Variants in CFAP92 observed in about 807,000 individuals in gnomAD.
CFAP92 encodes cilia and flagella associated protein 92 (putative).
In CFAP92, 86 loss-of-function variants were observed where a neutral mutation model predicts 106.3. The observed-to-expected ratio is 0.81, with a 90% CI of 0.68 to 0.97. CFAP92 has a LOEUF of 0.97. Ranked by LOEUF, CFAP92 falls within the 50% of genes least tolerant of loss-of-function variation. CFAP92 has a pLI of 0.00. For synonymous variants in CFAP92, 477 were observed against 506.4 expected, an observed-to-expected ratio of 0.94 and a Z score of 0.78; for missense variants, 1,204 against 1,283.8, an observed-to-expected ratio of 0.94 and a Z score of 0.95.
chr3:129,002,877 G>A (rs1944862536), upstream of CFAP92, among the ~76,000 whole-genome samples: 2 of 152,210 alleles, frequency 1.3e-5, 1 homozygote, highest in South Asian at 4.1e-4. Flanking sequence ...CTGTGGATCA[G>A]GCACTCACGG....
intron 4 of CFAP92, among the ~76,000 whole-genome samples, chr3:128,978,620 G>C (rs1435494014): frequency 6.6e-6 from 1 of 152,072 alleles, no homozygotes; most frequent in Non-Finnish European, 1.5e-5. Flanking sequence ...TAGACCAATG[G>C]AACAGAACAG....
chr3:128,978,428 T>TA (rs1463094652), intron 4 of CFAP92: 3 of 333,480 alleles, frequency 9.0e-6, no homozygotes, highest in Non-Finnish European at 1.6e-5. Context: ...TACCTAAGTT[T>TA]AAAAAATACC....
chr3:128,979,968 A>ATATATATG (rs1943421275), intron 4 of CFAP92, among the ~76,000 whole-genome samples: 1 of 146,232 alleles, frequency 6.8e-6, no homozygotes, highest in Non-Finnish European at 1.5e-5. Flanking sequence ...ATATATATAT[A>ATATATATG]TATAAAAGAA....
At chr3:128,916,413 C>A in intron 12 of CFAP92, 142 bp from the exon 13 acceptor site, 1 of 593,194 alleles carries the variant, frequency 1.7e-6, no homozygotes, top group Non-Finnish European at 2.5e-6. Flanking sequence ...GTTATTTCAT[C>A]ATAGAACCAG....
chr3:128,985,009 T>G (rs1005977884), intron 4 of CFAP92, among the ~76,000 whole-genome samples: 4 of 152,228 alleles, frequency 2.6e-5, no homozygotes, highest in Non-Finnish European at 5.9e-5. Flanking sequence ...AGGAATCATG[T>G]GGTTTTAATT....
the CFAP92 span, among the ~76,000 whole-genome samples, chr3:129,024,762 C>T: frequency 1.3e-5 from 2 of 151,602 alleles, no homozygotes; most frequent in African/African-American, 4.9e-5. Flanking sequence ...GCTCTCATGG[C>T]CTGATCACCT....
chr3:128,934,088 C>T (rs966586307), intron 11 of CFAP92, among the ~76,000 whole-genome samples: 27 of 152,152 alleles, frequency 1.8e-4, no homozygotes, highest in African/African-American at 6.5e-4. Flanking sequence ...AGAAGCAGCC[C>T]CCTCCTCCGT....
upstream of CFAP92, among the ~76,000 whole-genome samples, chr3:128,995,149 T>C (rs2107831394): frequency 6.6e-6 from 1 of 152,328 alleles, no homozygotes; most frequent in South Asian, 2.1e-4. Context: ...AAACTTTAGC[T>C]GAGTTGAGCT....
At chr3:128,956,317 G>A (rs1202907422) in intron 9 of CFAP92, among the ~76,000 whole-genome samples, 1 of 151,438 alleles carries the variant, frequency 6.6e-6, no homozygotes, top group Admixed American at 6.6e-5. Flanking sequence ...TCAGGGCCCT[G>A]TGGGACTAAA....
chr3:129,021,842 C>CCTTTT, the CFAP92 span, among the ~76,000 whole-genome samples: 2 of 152,180 alleles, frequency 1.3e-5, no homozygotes, highest in African/African-American at 4.8e-5. Flanking sequence ...AAACTCCTTT[C>CCTTTT]CTTTTCTTTC....
chr3:129,001,376 C>T (rs1029094845), intron 1 of CFAP92, among the ~76,000 whole-genome samples: 6 of 152,216 alleles, frequency 3.9e-5, no homozygotes, highest in Non-Finnish European at 8.8e-5. Flanking sequence ...ACCCAGACGC[C>T]GACCGGGCAC....
intron 1 of CFAP92, chr3:129,002,176 G>GC (rs1462749097): frequency 6.8e-7 from 1 of 1,479,416 alleles, no homozygotes; most frequent in Non-Finnish European, 8.9e-7. Context: ...CGCCGCCGCC[G>GC]CCGCCCGCCC....
intron 11 of CFAP92, among the ~76,000 whole-genome samples, chr3:128,933,898 T>G (rs1011536697): frequency 6.6e-6 from 1 of 151,850 alleles, no homozygotes; most frequent in Non-Finnish European, 1.5e-5. Flanking sequence ...CTCTCCAGCC[T>G]CCTCCTCCTC....
At chr3:128,991,688 G>T in intron 2 of CFAP92, 1 of 842,604 alleles carries the variant, frequency 1.2e-6, no homozygotes, top group Non-Finnish European at 1.5e-6. Flanking sequence ...GCCTCAGCCG[G>T]CCTGCACCAA....
intron 7 of CFAP92, among the ~76,000 whole-genome samples, chr3:128,973,978 G>A (rs1054646228): frequency 1.8e-4 from 27 of 152,278 alleles, no homozygotes; most frequent in Middle Eastern, 3.4e-3. Context: ...TAAAAAGAAC[G>A]GTTTAAAAAT....
chr3:128,991,146 G>C (rs1421857096), intron 2 of CFAP92, among the ~76,000 whole-genome samples: 4 of 152,186 alleles, frequency 2.6e-5, no homozygotes, highest in African/African-American at 9.6e-5. Context: ...ATGCTTAGAA[G>C]ATGCTGTGAA....
intron 15 of CFAP92, 115 bp downstream of exon 15, chr3:128,915,004 A>C: frequency 2.0e-6 from 2 of 1,023,848 alleles, no homozygotes; most frequent in South Asian, 1.7e-5. Flanking sequence ...CTTAGCATAG[A>C]AAGTTTGGTT....
intron 9 of CFAP92, among the ~76,000 whole-genome samples, chr3:128,956,219 AAAAAAAAAAGAAAAT>A (rs1576512419): frequency 2.2e-5 from 2 of 90,628 alleles, no homozygotes; most frequent in Non-Finnish European, 3.7e-5. Flanking sequence ...AAAAAATAAA[AAAAAAAAAAGAAAAT>A]AGAAAGAAAA....
intron 12 of CFAP92, among the ~76,000 whole-genome samples, chr3:128,929,191 C>T (rs1235264848): frequency 3.3e-5 from 5 of 152,094 alleles, no homozygotes; most frequent in African/African-American, 9.7e-5. Context: ...TATCTAGCAT[C>T]GTCAGTCATT....
Sources: allele counts gnomAD v4.1 joint callset (sites outside exome capture counted in the v4.1 genomes callset), GRCh38; gene constraint gnomAD v4.1.1; transcripts MANE v1.5; gene names NCBI Gene and HGNC (gene_info 2026-07-23, HGNC 2026-07-21).